SOX6: variants seen among roughly 807,000 people sequenced by gnomAD.
The protein encoded by SOX6 is transcription factor SOX-6.
SOX6 carries 11 observed loss-of-function variants against 97.8 expected under a neutral mutation model. The ratio of observed to expected loss-of-function variants is 0.11; its 90% CI spans 0.07 to 0.19. The LOEUF (loss-of-function observed/expected upper bound fraction) is 0.19, where lower values mean the gene tolerates loss of function less well. Ranked by LOEUF, SOX6 falls within the 10% of genes least tolerant of loss-of-function variation. The pLI is 1.00. For synonymous variants in SOX6, 360 were observed against 371.4 expected (o/e 0.97, Z 0.35); for missense variants, 810 against 1,039.5 (o/e 0.78, Z 3.04).
At chr11:16,127,339 TACTC>T (rs942798616) in intron 6 of SOX6, among the ~76,000 whole-genome samples, 5 of 152,104 alleles carry the variant, frequency 3.3e-5, no homozygotes, top group Non-Finnish European at 5.9e-5. Context: ...CATGTATACT[TACTC>T]ACCTCTAGCA....
At chr11:16,070,231 T>C (rs1322303953) in intron 9 of SOX6, among the ~76,000 whole-genome samples, 1 of 152,142 alleles carries the variant, frequency 6.6e-6, no homozygotes, top group African/African-American at 2.4e-5. Context: ...TGACTATTTT[T>C]CCAAGCACTG....
chr11:16,090,363 A>C (rs1848658596), intron 9 of SOX6, among the ~76,000 whole-genome samples: 1 of 152,106 alleles, frequency 6.6e-6, no homozygotes, highest in Non-Finnish European at 1.5e-5. Flanking sequence ...ACCAAATAAA[A>C]AGCAAAGTTC....
chr11:16,583,630 TATATATAC>T lies in SOX6; in HGVS notation n.609+28443_609+28450del, dbSNP rs1282148909. Among the ~76,000 whole-genome samples, 2 of 84,908 alleles carry T rather than the reference TATATATAC, an allele frequency of 2.4e-5. 1 individual carries two copies. Among genetic ancestry groups the T allele is most frequent in the African/African-American group, 9.9e-5 (2 of 20,304 alleles). 55.7% of individuals were successfully genotyped at this position (84,908 alleles called of 152,430 possible). A position where few individuals can be genotyped will look rare whatever the true frequency, so the allele number is the denominator to read the frequency against. On this transcript the variant is annotated intron_variant and non_coding_transcript_variant, in intron 4 of 5. Transcript: ENST00000524520. Reference sequence around the variant, plus strand: ...ATATATATACATATATATATATATATATATATACACATACACACACCACATTTTCTTTA... The same window carrying T: ...ATATATATACATATATATATATATATACATACACACACCACATTTTCTTTA...
intron 3 of SOX6, among the ~76,000 whole-genome samples, chr11:16,630,975 T>C (rs1848699292): frequency 6.6e-6 from 1 of 151,208 alleles, no homozygotes; most frequent in Non-Finnish European, 1.5e-5. Flanking sequence ...CCTATGGATG[T>C]TGTTATGTGT....
intron 4 of SOX6, among the ~76,000 whole-genome samples, chr11:16,564,581 A>G (rs1055845513): frequency 6.6e-6 from 1 of 152,106 alleles, no homozygotes; most frequent in Admixed American, 6.5e-5. Flanking sequence ...AAAACTCAAC[A>G]AATTTTTAAA....
At chr11:16,268,932 T>G (rs1854162006) in intron 3 of SOX6, among the ~76,000 whole-genome samples, 1 of 151,020 alleles carries the variant, frequency 6.6e-6, no homozygotes, top group Admixed American at 6.6e-5. Context: ...CTTTTATTTG[T>G]ATGTATTCAA....
chr11:16,563,774 CA>C (rs1317234691), intron 4 of SOX6, among the ~76,000 whole-genome samples: 2 of 152,050 alleles, frequency 1.3e-5, no homozygotes, highest in African/African-American at 2.4e-5. Context: ...AAATCCCAAG[CA>C]GGATAAATTC....
At chr11:16,681,064 A>T (rs915641253) in intron 3 of SOX6, among the ~76,000 whole-genome samples, 1 of 152,142 alleles carries the variant, frequency 6.6e-6, no homozygotes, top group African/African-American at 2.4e-5. Context: ...ACAGAAGGAA[A>T]ACAAGGATAT....
chr11:16,580,331 A>C (rs1439316513), intron 4 of SOX6, among the ~76,000 whole-genome samples: 1 of 152,152 alleles, frequency 6.6e-6, no homozygotes, highest in East Asian at 1.9e-4. Context: ...TTCTAGTAAT[A>C]TATTCTTTAT....
intron 3 of SOX6, among the ~76,000 whole-genome samples, chr11:16,254,016 C>A (rs1472037357): frequency 1.3e-5 from 2 of 150,692 alleles, no homozygotes; most frequent in African/African-American, 2.4e-5. Flanking sequence ...TATAGAGGAG[C>A]AAAGAAAAGA....
chr11:16,400,551 G>A lies in SOX6; in HGVS notation c.-4-59299C>T, dbSNP rs7930802. On this transcript the variant is annotated intron_variant, in intron 1 of 15. Transcript: ENST00000396356. ...CAAATTGTGGTACATCCATATGATG[G>A]TATATGATGTAGTGATTAAAAATGT... Among the ~76,000 whole-genome samples the A allele has an allele frequency of 9.4e-3, 1,429 of 151,398 alleles. 20 individuals are homozygous for A. Among genetic ancestry groups the A allele is most frequent in the African/African-American group, 0.033 (1,352 of 41,414 alleles).
intron 3 of SOX6, among the ~76,000 whole-genome samples, chr11:16,636,742 T>C (rs1191483317): frequency 6.6e-6 from 1 of 152,150 alleles, no homozygotes; most frequent in South Asian, 2.1e-4. Flanking sequence ...GGCAGTTGCC[T>C]CCATGATGTT....
intron 7 of SOX6, among the ~76,000 whole-genome samples, chr11:16,099,371 C>T (rs147070349): frequency 5.9e-5 from 9 of 151,784 alleles, no homozygotes; most frequent in African/African-American, 2.2e-4. Context: ...TAATCTAAGT[C>T]AAATAGTATT....
chr11:16,443,896 C>T (rs1859559780), intron 1 of SOX6, among the ~76,000 whole-genome samples: 1 of 151,706 alleles, frequency 6.6e-6, no homozygotes, highest in South Asian at 2.1e-4. Flanking sequence ...ACCTGTAGTC[C>T]CAGCTACTCA....
At chr11:16,207,744 GA>G (rs1430185615) in intron 4 of SOX6, among the ~76,000 whole-genome samples, 1 of 151,060 alleles carries the variant, frequency 6.6e-6, no homozygotes, top group Non-Finnish European at 1.5e-5. Context: ...ACTGTTTTTT[GA>G]AAAAAAAGAA....
intron 1 of SOX6, among the ~76,000 whole-genome samples, chr11:16,347,414 C>T (rs540981024): frequency 5.7e-4 from 86 of 152,186 alleles, no homozygotes; most frequent in African/African-American, 1.9e-3. Context: ...AAGAGTAAAA[C>T]CTAACAATGG....
At chr11:16,572,043 G>T (rs955777189) in intron 4 of SOX6, among the ~76,000 whole-genome samples, 5 of 152,070 alleles carry the variant, frequency 3.3e-5, no homozygotes, top group African/African-American at 1.2e-4. Context: ...ATAATCAAAC[G>T]CACGAATACC....
chr11:16,484,354 A>T (rs1365586356), intron 4 of SOX6: 2 of 823,468 alleles, frequency 2.4e-6, no homozygotes, highest in East Asian at 2.4e-5. Context: ...TAAGGTAAGG[A>T]TCCAGGTAGT....
At chr11:16,680,811 A>G (rs1407650207) in intron 3 of SOX6, among the ~76,000 whole-genome samples, 1 of 152,250 alleles carries the variant, frequency 6.6e-6, no homozygotes, top group African/African-American at 2.4e-5. Flanking sequence ...CTGCAATCCT[A>G]GTCTCTGATA....
Sources: gnomAD v4.1 joint callset for allele counts (sites outside exome capture counted in the v4.1 genomes callset) on GRCh38, gnomAD v4.1.1 for gene constraint, MANE v1.5 for transcripts, NCBI Gene and HGNC (gene_info 2026-07-23, HGNC 2026-07-21) for gene names.